Variants in DYM observed in about 807,000 individuals in gnomAD.
DYM encodes the protein dymeclin, also known as dyggve-Melchior-Clausen syndrome protein.
Under a neutral mutation model 93.1 loss-of-function variants are expected in DYM, and 78 were observed. That is an observed-to-expected ratio of 0.84 (90% CI 0.70 to 1.01). The LOEUF is 1.01. Among genes scored for constraint, DYM ranks in the 50% least tolerant of loss-of-function variants. The pLI is 0.00. For synonymous variants in DYM, 321 were observed against 319.7 expected (o/e 1.00, Z -0.04); for missense variants, 789 against 845.0 (o/e 0.93, Z 0.82).
intron 5 of DYM, among the ~76,000 whole-genome samples, chr18:49,371,803 AAATTCTC>A (rs2067071337): frequency 6.6e-6 from 1 of 152,196 alleles, no homozygotes; most frequent in African/African-American, 2.4e-5. Context: ...ATAATAATAC[AAATTCTC>A]CCTAACAATC....
intron 6 of DYM, among the ~76,000 whole-genome samples, chr18:49,338,861 C>T (rs533459206): frequency 4.6e-5 from 7 of 152,116 alleles, no homozygotes; most frequent in Admixed American, 6.5e-5. Flanking sequence ...AAATAAAAGC[C>T]TAAGAACACA....
At chr18:49,197,803 G>A (rs1181873667) in intron 14 of DYM, among the ~76,000 whole-genome samples, 1 of 152,124 alleles carries the variant, frequency 6.6e-6, no homozygotes, top group Non-Finnish European at 1.5e-5. Flanking sequence ...TGGCCATACT[G>A]CCCAAGGTAA....
chr18:49,320,822 T>G (rs1357341328), intron 8 of DYM, among the ~76,000 whole-genome samples: 1 of 152,054 alleles, frequency 6.6e-6, no homozygotes, highest in African/African-American at 2.4e-5. Context: ...CCGTTAGTCT[T>G]CGAAAAAAAT....
At chr18:49,309,489 G>T (rs79757161) in intron 8 of DYM, among the ~76,000 whole-genome samples, 1,659 of 152,176 alleles carry the variant, frequency 0.011, 26 homozygotes, top group African/African-American at 0.038. Flanking sequence ...TAAATAATCA[G>T]TTGGGTGTTG....
intron 1 of DYM, among the ~76,000 whole-genome samples, chr18:49,454,939 C>T (rs908769319): frequency 3.4e-5 from 5 of 148,172 alleles, no homozygotes; most frequent in East Asian, 2.0e-4. Flanking sequence ...AAATCTGCTG[C>T]GGTCCATGGC....
At chr18:49,201,124 G>A (rs376183043) in intron 14 of DYM, among the ~76,000 whole-genome samples, 1 of 151,790 alleles carries the variant, frequency 6.6e-6, no homozygotes, top group Non-Finnish European at 1.5e-5. Context: ...TATGAGTATC[G>A]GTAATAAGAA....
At chr18:49,429,668 A>G (rs2148452080) in intron 2 of DYM, among the ~76,000 whole-genome samples, 1 of 152,220 alleles carries the variant, frequency 6.6e-6, no homozygotes, top group East Asian at 1.9e-4. Flanking sequence ...CCAAATTGCA[A>G]ATGCACATAC....
At chr18:49,324,669 T>A (rs1015711146) in intron 8 of DYM, among the ~76,000 whole-genome samples, 1 of 152,230 alleles carries the variant, frequency 6.6e-6, no homozygotes, top group African/African-American at 2.4e-5. Context: ...AGTTCTTAAA[T>A]TTTTAAATTG....
At chr18:49,435,688 T>C (rs952587763) in intron 1 of DYM, among the ~76,000 whole-genome samples, 4 of 152,006 alleles carry the variant, frequency 2.6e-5, no homozygotes, top group East Asian at 1.9e-4. Flanking sequence ...ACTCAGGAGA[T>C]TGACGCAGGA....
At position 49,273,514 on chromosome 18, in the gene DYM, C is replaced by T. The variant is rs2094765967; in HGVS notation, c.1126-1211G>A. ...AACAACAGACCACATATATAACAGTCTGTGGTTGTATTGTCTCATAAGATT... is the reference window on the plus strand; with the variant it reads ...AACAACAGACCACATATATAACAGTTTGTGGTTGTATTGTCTCATAAGATT... On this transcript the variant is annotated intron_variant, in intron 10 of 17. Transcript: ENST00000675505. Among the ~76,000 whole-genome samples the T allele has an allele frequency of 5.9e-5, 9 of 152,250 alleles. 1 individual carries two copies. In the South Asian group the frequency reaches 1.7e-3, roughly 28 times the overall value.
intron 6 of DYM, among the ~76,000 whole-genome samples, chr18:49,339,856 G>T (rs2063962762): frequency 6.6e-6 from 1 of 152,226 alleles, no homozygotes; most frequent in African/African-American, 2.4e-5. Flanking sequence ...AAAGTTGGAG[G>T]CAATCCGGGT....
chr18:49,310,749 A>C (rs1353677949), intron 8 of DYM, among the ~76,000 whole-genome samples: 3 of 152,180 alleles, frequency 2.0e-5, no homozygotes, highest in African/African-American at 4.8e-5. Context: ...TGTTGCCTTT[A>C]CATTAAAAAA....
chr18:49,051,993 A>G (rs965042215), intron 17 of DYM, among the ~76,000 whole-genome samples: 2 of 152,234 alleles, frequency 1.3e-5, no homozygotes, highest in Admixed American at 6.5e-5. Flanking sequence ...GGGAGCAGAG[A>G]GATTGTTCCT....
chr18:49,277,161 C>A (rs1173482841), intron 10 of DYM, among the ~76,000 whole-genome samples: 2 of 152,032 alleles, frequency 1.3e-5, no homozygotes, highest in Non-Finnish European at 2.9e-5. Flanking sequence ...TGGGAAATGT[C>A]TGGGGCAGCT....
chr18:49,309,111 T>A (rs1300517593), intron 8 of DYM, among the ~76,000 whole-genome samples: 2 of 152,132 alleles, frequency 1.3e-5, no homozygotes, highest in Non-Finnish European at 1.5e-5. Context: ...CATAAAAAAA[T>A]TCAGATTCAA....
At chr18:49,336,841 A>C (rs2146925363) in intron 6 of DYM, among the ~76,000 whole-genome samples, 1 of 152,262 alleles carries the variant, frequency 6.6e-6, no homozygotes, top group Middle Eastern at 3.4e-3. Context: ...ATTACAGGAC[A>C]CTCTGATAGT....
intron 2 of DYM, among the ~76,000 whole-genome samples, chr18:49,419,402 AAAT>A (rs1262205284): frequency 1.3e-5 from 2 of 152,072 alleles, no homozygotes; most frequent in African/African-American, 4.8e-5. Flanking sequence ...ATTTGAGTAA[AAAT>A]AATAATTAAC....
intron 14 of DYM, among the ~76,000 whole-genome samples, chr18:49,171,237 GGAAC>G (rs2088677361): frequency 1.3e-5 from 2 of 152,184 alleles, no homozygotes; most frequent in South Asian, 4.2e-4. Flanking sequence ...GAAGGTAAAG[GGAAC>G]GCATCACAGA....
chr18:49,406,672 A>T (rs1273184560), intron 2 of DYM, among the ~76,000 whole-genome samples: 7 of 152,222 alleles, frequency 4.6e-5, no homozygotes, highest in African/African-American at 1.7e-4. Flanking sequence ...AAATTGCAAA[A>T]ATAAAAAATA....
Sources: allele counts gnomAD v4.1 joint callset (sites outside exome capture counted in the v4.1 genomes callset), GRCh38; gene constraint gnomAD v4.1.1; transcripts MANE v1.5; gene names NCBI Gene and HGNC (gene_info 2026-07-23, HGNC 2026-07-21).